Variants in SLC4A8 observed in about 807,000 individuals in gnomAD.
SLC4A8 encodes the protein electroneutral sodium bicarbonate exchanger 1.
Under a neutral mutation model 125.0 loss-of-function variants are expected in SLC4A8, and 40 were observed. That is an observed-to-expected ratio of 0.32 (90% CI 0.25 to 0.42). The LOEUF is 0.42. SLC4A8 is among the 10% of genes least tolerant of loss of function. The pLI, the probability that SLC4A8 is intolerant of heterozygous loss-of-function variation, is 1.00. For synonymous variants in SLC4A8, 456 were observed against 476.0 expected (o/e 0.96, Z 0.55); for missense variants, 863 against 1,355.1 (o/e 0.64, Z 5.70).
At chr12:51,416,103 T>C (rs947106000) in intron 1 of SLC4A8, among the ~76,000 whole-genome samples, 1 of 151,908 alleles carries the variant, frequency 6.6e-6, no homozygotes, top group African/African-American at 2.4e-5. Flanking sequence ...CCATGATTCA[T>C]AGGCTGGGAA....
At position 51,462,359 on chromosome 12, in the gene SLC4A8, C is replaced by T. The variant is rs765091987; in HGVS notation, c.1151C>T (p.Ala384Val). 9 of 1,613,478 alleles carry T rather than the reference C, an allele frequency of 5.6e-6. No individual in the cohort carries two copies. Among genetic ancestry groups the T allele is most frequent in the South Asian group, 3.3e-5 (3 of 91,044 alleles). The stretch of plus-strand genomic sequence containing the variant: ...GCAAAAGAGCGAGATGATCTCCTGG[C>T]GGGGATTGATGAGTTCCTAGACCAG... ...YKAKERDDLL[A>V]GIDEFLDQVT... The change falls in exon 10 of 25, where the codon GCG (alanine) becomes GTG (valine). Residue 384 changes from alanine to valine, a missense_variant. This residue lies in a region of SLC4A8 where 390 missense variants were observed against 634.4 expected (regional missense o/e 0.61). Coordinates refer to ENST00000453097, the MANE Select transcript of SLC4A8 (RefSeq NM_001039960.3).
chr12:51,409,294 C>T (rs1251379106), intron 1 of SLC4A8, among the ~76,000 whole-genome samples: 7 of 152,058 alleles, frequency 4.6e-5, no homozygotes, highest in African/African-American at 1.7e-4. Context: ...TTTTTTTCTT[C>T]TAGTTCTTGC....
intron 5 of SLC4A8, 129 bp downstream of exon 5, chr12:51,453,828 C>T: frequency 1.3e-6 from 1 of 759,220 alleles, no homozygotes; most frequent in East Asian, 2.8e-5. Flanking sequence ...ACCTTCCTGG[C>T]CTCAATGTCC....
intron 1 of SLC4A8, among the ~76,000 whole-genome samples, chr12:51,412,544 G>A (rs2137973586): frequency 6.6e-6 from 1 of 152,188 alleles, no homozygotes; most frequent in East Asian, 1.9e-4. Context: ...TCTAACTGTA[G>A]GCTTTTGTCC....
At chr12:51,482,840 C>T (rs1472621970) in intron 16 of SLC4A8, among the ~76,000 whole-genome samples, 1 of 152,180 alleles carries the variant, frequency 6.6e-6, no homozygotes, top group Non-Finnish European at 1.5e-5. Flanking sequence ...TGGCACAGAA[C>T]ACCTCCCAGA....
intron 1 of SLC4A8, among the ~76,000 whole-genome samples, chr12:51,415,700 A>G (rs976493237): frequency 1.4e-4 from 21 of 151,262 alleles, no homozygotes; most frequent in African/African-American, 5.1e-4. Flanking sequence ...GTAAACCTTT[A>G]TTGTTATAAA....
chr12:51,487,489 C>A (rs925678537), intron 17 of SLC4A8, among the ~76,000 whole-genome samples: 6 of 152,180 alleles, frequency 3.9e-5, no homozygotes, highest in Non-Finnish European at 8.8e-5. Flanking sequence ...TAATAAGGAA[C>A]CAAATCAAAT....
chr12:51,461,400 T>G, intron 9 of SLC4A8, 109 bp downstream of exon 9: 1 of 692,788 alleles, frequency 1.4e-6, no homozygotes, highest in Non-Finnish European at 2.6e-6. Context: ...TCCATTGCAA[T>G]ATCTGCTGGG....
rs540250722 is a variant in SLC4A8, at chr12:51,500,276, C to T, written c.3081+3152C>T. 3.9e-5 allele frequency among the ~76,000 whole-genome samples: 6 copies of T among 152,088 alleles called. No homozygotes were observed. The South Asian group carries it at 6.2e-4, about 16-fold the overall frequency. On this transcript the variant is annotated intron_variant, in intron 22 of 24. Transcript: ENST00000453097. ...TGAAGTAAGTACATATTTGTTAACACGTGTTACTTTATAAAATTATTTTAA... is the reference window on the plus strand; with the variant it reads ...TGAAGTAAGTACATATTTGTTAACATGTGTTACTTTATAAAATTATTTTAA...
chr12:51,501,546 C>A (rs887931389), intron 22 of SLC4A8, among the ~76,000 whole-genome samples: 1 of 152,204 alleles, frequency 6.6e-6, no homozygotes, highest in African/African-American at 2.4e-5. Flanking sequence ...TTTCTTTATT[C>A]AATCCACCAT....
intron 14 of SLC4A8, 179 bp downstream of exon 14, chr12:51,471,711 T>C: frequency 1.5e-6 from 1 of 645,320 alleles, no homozygotes; most frequent in Non-Finnish European, 2.6e-6. Context: ...CAATCAAAAG[T>C]GTTGACAGAG....
chr12:51,398,323 G>A lies in SLC4A8; in HGVS notation c.-112+6835G>A, dbSNP rs942816384. Among the ~76,000 whole-genome samples the A allele has an allele frequency of 8.5e-5, 13 of 152,080 alleles. No homozygotes were observed. In the East Asian group the frequency reaches 1.7e-3, roughly 20 times the overall value. On this transcript the variant is annotated intron_variant, in intron 1 of 24. Transcript: ENST00000358657. ...TGATCAGTCTTTCTTTTGTATAACC[G>A]AAGCCTCCTAATATCATACAATTAA...
intron 1 of SLC4A8, among the ~76,000 whole-genome samples, chr12:51,398,225 C>T (rs1948302807): frequency 6.6e-6 from 1 of 152,196 alleles, no homozygotes; most frequent in South Asian, 2.1e-4. Context: ...TTCTAGTGTT[C>T]TCTCTCCTAA....
intron 17 of SLC4A8, among the ~76,000 whole-genome samples, chr12:51,488,270 A>G (rs1386998923): frequency 2.6e-5 from 4 of 152,208 alleles, no homozygotes; most frequent in African/African-American, 4.8e-5. Context: ...TTCAGCTCAA[A>G]TCTGTCTCCC....
At chr12:51,408,775 G>C (rs1160523717) in intron 1 of SLC4A8, among the ~76,000 whole-genome samples, 1 of 152,170 alleles carries the variant, frequency 6.6e-6, no homozygotes, top group African/African-American at 2.4e-5. Context: ...TGTCAAGGGA[G>C]CCATTGCTGG....
At chr12:51,449,023 A>C (rs750310421) in intron 2 of SLC4A8, among the ~76,000 whole-genome samples, 8 of 152,180 alleles carry the variant, frequency 5.3e-5, no homozygotes, top group Non-Finnish European at 7.3e-5. Context: ...CAGAAGCAAC[A>C]GGATACCAGA....
At chr12:51,478,301 T>C (rs1950915968) in intron 16 of SLC4A8, among the ~76,000 whole-genome samples, 1 of 147,374 alleles carries the variant, frequency 6.8e-6, no homozygotes, top group Non-Finnish European at 1.5e-5. Flanking sequence ...TAGCTGGGCA[T>C]GCTGGCAGGT....
At chr12:51,397,519 T>C (rs1948287216) in intron 1 of SLC4A8, among the ~76,000 whole-genome samples, 2 of 152,090 alleles carry the variant, frequency 1.3e-5, no homozygotes, top group Non-Finnish European at 2.9e-5. Flanking sequence ...ATGGGGAATA[T>C]ATTATTTTTC....
At chr12:51,404,391 G>A (rs2137945423) in intron 1 of SLC4A8, among the ~76,000 whole-genome samples, 1 of 152,274 alleles carries the variant, frequency 6.6e-6, no homozygotes, top group Non-Finnish European at 1.5e-5. Context: ...ATGAAATTCA[G>A]ATGAGGCCCT....
Sources: gnomAD v4.1 joint callset for allele counts (sites outside exome capture counted in the v4.1 genomes callset) on GRCh38, gnomAD v4.1.1 for gene constraint, gnomAD v4.1.1 regional missense constraint, MANE v1.5 for transcripts, NCBI Gene and HGNC (gene_info 2026-07-23, HGNC 2026-07-21) for gene names.